Variants in PIEZO1 observed in about 807,000 individuals in gnomAD.
PIEZO1 encodes piezo-type mechanosensitive ion channel component 1.
PIEZO1 carries 296 observed loss-of-function variants against 297.2 expected under a neutral mutation model. The observed-to-expected ratio is 1.00, with a 90% confidence interval of 0.91 to 1.10. The LOEUF is 1.10. PIEZO1 is among the 50% of genes least tolerant of loss of function. The pLI, the probability that PIEZO1 is intolerant of heterozygous loss-of-function variation, is 0.00. For synonymous variants in PIEZO1, 2,427 were observed against 1,507.5 expected (o/e 1.61, Z -14.13); for missense variants, 5,018 against 3,455.5 (o/e 1.45, Z -11.34).
intron 1 of PIEZO1, among the ~76,000 whole-genome samples, chr16:88,776,195 G>A (rs1907655334): frequency 6.6e-6 from 1 of 152,258 alleles, no homozygotes; most frequent in African/African-American, 2.4e-5. Context: ...AGCATTCTGG[G>A]AGGCCGAGGC....
In PIEZO1 at chr16:88,736,923, C is replaced by T. The variant is rs974266420; in HGVS notation, c.1196-184G>A. 6 of 497,640 alleles carry T rather than the reference C, an allele frequency of 1.2e-5. No homozygotes were observed. In the South Asian group the frequency reaches 1.3e-4, roughly 11 times the overall value. 30.8% of individuals were successfully genotyped at this position (497,640 alleles called of 1,614,324 possible). A position where few individuals can be genotyped will look rare whatever the true frequency, so the allele number is the denominator to read the frequency against. On this transcript the variant is annotated intron_variant, in intron 10 of 50. Transcript: ENST00000301015. The stretch of plus-strand genomic sequence containing the variant: ...CACCGTCCCTGAGCGTCAGGGATGG[C>T]CCTGCCAGCACCTGCCGTTCTCTGG...
At chr16:88,734,334 G>T (rs771306151) in intron 16 of PIEZO1, 22 bp downstream of exon 16, 6 of 1,494,700 alleles carry the variant, frequency 4.0e-6, no homozygotes, top group Non-Finnish European at 5.4e-6. Context: ...TCCAGGGCCG[G>T]ACAGGGAGGG....
At chr16:88,730,816 C>T (rs1009536252) in intron 22 of PIEZO1, among the ~76,000 whole-genome samples, 5 of 152,196 alleles carry the variant, frequency 3.3e-5, no homozygotes, top group African/African-American at 1.2e-4. Context: ...CTGCGGATGA[C>T]AGAATTCTTG....
chr16:88,747,246 A>C (rs905737847), intron 2 of PIEZO1, among the ~76,000 whole-genome samples: 1 of 151,556 alleles, frequency 6.6e-6, no homozygotes, highest in Non-Finnish European at 1.5e-5. Flanking sequence ...AAAAAAAAAA[A>C]GCCAAGCACG....
chr16:88,765,412 G>A (rs983782460), intron 1 of PIEZO1, among the ~76,000 whole-genome samples: 2 of 152,196 alleles, frequency 1.3e-5, no homozygotes, highest in African/African-American at 2.4e-5. Context: ...CATCATGTCT[G>A]TGTACTTCTG....
At chr16:88,783,674 G>A (rs1439984551) in intron 1 of PIEZO1, among the ~76,000 whole-genome samples, 2 of 152,208 alleles carry the variant, frequency 1.3e-5, no homozygotes, top group Non-Finnish European at 1.5e-5. Context: ...GTCCCAGGCT[G>A]CCCAGTCCAC....
intron 33 of PIEZO1, 40 bp from the exon 34 acceptor site, chr16:88,723,049 T>G: frequency 1.9e-6 from 3 of 1,543,822 alleles, no homozygotes; most frequent in Non-Finnish European, 2.6e-6. Flanking sequence ...GGGCAGCCTG[T>G]GGGGCCAAGA....
intron 1 of PIEZO1, among the ~76,000 whole-genome samples, chr16:88,763,955 G>A (rs990049394): frequency 6.6e-6 from 1 of 152,162 alleles, no homozygotes; most frequent in Non-Finnish European, 1.5e-5. Context: ...CACGCAGGGG[G>A]TCAGGTGTGG....
At chr16:88,730,503 CAGG>C (rs1904729254) in intron 22 of PIEZO1, among the ~76,000 whole-genome samples, 4 of 146,058 alleles carry the variant, frequency 2.7e-5, no homozygotes, top group African/African-American at 7.7e-5. Flanking sequence ...GAGGCTGAGA[CAGG>C]AGAATTGCTT....
intron 48 of PIEZO1, 27 bp downstream of exon 48, chr16:88,716,334 T>C: frequency 2.7e-6 from 4 of 1,508,622 alleles, no homozygotes; most frequent in South Asian, 1.3e-5. Context: ...ACAGCCCTCC[T>C]GCCCACCACC....
At chr16:88,725,879 G>A (rs775823615) in intron 27 of PIEZO1, 195 bp from the exon 28 acceptor site, 33 of 592,520 alleles carry the variant, frequency 5.6e-5, no homozygotes, top group African/African-American at 2.0e-4. Flanking sequence ...CCCTTCTGCC[G>A]TACAGATGCA....
Position 88,721,545 on chromosome 16 carries a change from TGGGAGC to T in PIEZO1, c.5390_5395del (p.Arg1797_Ser1798del). The T allele has an allele frequency of 6.5e-7, 1 of 1,549,018 alleles. No individual in the cohort carries two copies. Among genetic ancestry groups the T allele is most frequent in the Non-Finnish European group, 8.7e-7 (1 of 1,146,048 alleles). On this transcript the variant is annotated inframe_deletion, in exon 38 of 51. Coordinates refer to ENST00000301015, the MANE Select transcript of PIEZO1 (RefSeq NM_001142864.4). ...GCCAAGGCTCACACTCACCAGCAGCTGGGAGCGGTGGAAGAAAAGGGCCATGAGCTG... is the reference window on the plus strand; with the variant it reads ...GCCAAGGCTCACACTCACCAGCAGCTGGTGGAAGAAAAGGGCCATGAGCTG...
rs995439313 is a variant in PIEZO1, at chr16:88,716,344, C to G, written c.7049+17G>C. ...CTGGCACAGCCCTCCTGCCCACCAC[C>G]CGGGCCCTTCACTCACACAGACTGG... On this transcript the variant is annotated intron_variant, in intron 48 of 50. Coordinates refer to ENST00000301015, the MANE Select transcript of PIEZO1 (RefSeq NM_001142864.4). The G allele has an allele frequency of 6.6e-7, 1 of 1,518,656 alleles. No homozygotes were observed. The highest frequency in any genetic ancestry group is 1.4e-5 in the African/African-American group (1 of 72,636). 94.1% of individuals were successfully genotyped at this position (1,518,656 alleles called of 1,614,324 possible).
At chr16:88,756,641 G>C (rs764673623) in intron 1 of PIEZO1, among the ~76,000 whole-genome samples, 3 of 152,094 alleles carry the variant, frequency 2.0e-5, no homozygotes, top group Non-Finnish European at 2.9e-5. Context: ...GGTGGTGGGT[G>C]CCTGTAGTCC....
In PIEZO1 at chr16:88,726,466, G is replaced by C. The variant is rs750944649; in HGVS notation, c.3797-11C>G. 10 of 1,549,098 alleles carry C rather than the reference G, an allele frequency of 6.5e-6. 1 individual carries two copies. The South Asian group carries it at 1.2e-4, about 18-fold the overall frequency. The stretch of plus-strand genomic sequence containing the variant: ...CCATCATCTCCTTGGCTGCAAGGCA[G>C]GCACCGGCAAGGGTCAGGCCCAGGG... On this transcript the variant is annotated splice_polypyrimidine_tract_variant and intron_variant, in intron 26 of 50. Coordinates refer to ENST00000301015, the MANE Select transcript of PIEZO1 (RefSeq NM_001142864.4).
In PIEZO1 at chr16:88,725,642, G is replaced by C. The variant is rs771302729; in HGVS notation, c.4011C>G (p.Asp1337Glu). Reference sequence around the variant, plus strand: ...ACTTCTCCTCTATCCTGCGGTGAAAGTCAATGCTCTTGAGGTTGGCAGCGT... The same window carrying C: ...ACTTCTCCTCTATCCTGCGGTGAAACTCAATGCTCTTGAGGTTGGCAGCGT... ...LYNAANLKSIDFHRRIEEKSL... is the reference protein window; with the variant it reads ...LYNAANLKSIEFHRRIEEKSL... Residue 1337 changes from aspartate to glutamate, a missense_variant, in exon 28 of 51, where the codon GAC (aspartate) becomes GAG (glutamate). Transcript: ENST00000301015. 6 of 1,549,382 alleles carry C rather than the reference G, an allele frequency of 3.9e-6. No homozygotes were observed. Among genetic ancestry groups the C allele is most frequent in the East Asian group, 4.9e-5 (2 of 40,918 alleles).
Position 88,721,200 on chromosome 16 carries a change from C to A in PIEZO1, c.5634G>T (p.Lys1878Asn). Residue 1878 changes from lysine (K) to asparagine (N), a missense_variant, in exon 39 of 51, where the codon AAG (lysine) becomes AAT (asparagine). Coordinates refer to ENST00000301015, the MANE Select transcript of PIEZO1 (RefSeq NM_001142864.4). ...RISLRFRRRK[K>N]EGPARKGAAA... The stretch of plus-strand genomic sequence containing the variant: ...CCGCTCCTTTCCGTGCTGGGCCCTC[C>A]TTCTTCCTTCTTCTAAAACGTAGAC... 2 of 704,076 alleles carry A rather than the reference C, an allele frequency of 2.8e-6. No homozygotes were observed. The highest frequency in any genetic ancestry group is 4.2e-6 in the Non-Finnish European group (2 of 480,602). The allele number at this position is 704,076 out of a possible 1,614,324, so 43.6% of individuals were successfully genotyped here. A position where few individuals can be genotyped will look rare whatever the true frequency, so the allele number is the denominator to read the frequency against.
intron 1 of PIEZO1, among the ~76,000 whole-genome samples, chr16:88,771,137 C>G (rs1479994608): frequency 1.3e-5 from 2 of 152,184 alleles, no homozygotes; most frequent in Non-Finnish European, 2.9e-5. Flanking sequence ...GCTAATCTCA[C>G]AGGGAGATAA....
At chr16:88,775,475 TC>T (rs1048133137) in intron 1 of PIEZO1, among the ~76,000 whole-genome samples, 20 of 152,270 alleles carry the variant, frequency 1.3e-4, no homozygotes, top group Admixed American at 8.5e-4. Context: ...ACGCCTGTAA[TC>T]CCAGCACTTT....
Sources: allele counts gnomAD v4.1 joint callset (sites outside exome capture counted in the v4.1 genomes callset), GRCh38; gene constraint gnomAD v4.1.1; transcripts MANE v1.5; gene names NCBI Gene and HGNC (gene_info 2026-07-23, HGNC 2026-07-21).